The following TRPC4 variants were observed in gnomAD, a reference collection of about 807,000 sequenced individuals.
TRPC4 encodes the protein short transient receptor potential channel 4.
A neutral mutation model predicts 99.4 loss-of-function variants in TRPC4; 49 were observed. The ratio of observed to expected loss-of-function variants is 0.49; its 90% CI spans 0.39 to 0.63. The LOEUF is 0.63. TRPC4 is among the 20% of genes least tolerant of loss of function. The probability of loss-of-function intolerance (pLI) is 0.00; values close to 1 mark genes in which losing one functional copy is unlikely to be tolerated. For synonymous variants in TRPC4, 454 were observed against 425.9 expected (o/e 1.07, Z -0.81); for missense variants, 898 against 1,152.9 (o/e 0.78, Z 3.20).
chr13:37,692,122 C>T lies in TRPC4; in HGVS notation c.1111G>A (p.Ala371Thr). Residue 371 changes from alanine (A) to threonine (T), a missense_variant, in exon 4 of 11, where the codon GCC becomes ACC. Transcript: ENST00000379705. Reference protein sequence around the residue: ...KPFIKFICHTASYLTFLFLLL... With the variant: ...KPFIKFICHTTSYLTFLFLLL... Reference sequence around the variant, plus strand: ...AGGAACAAAAAAGTCAAATAGGAGGCTGTGTGGCAGATAAACTTGATAAAT... The same window carrying T: ...AGGAACAAAAAAGTCAAATAGGAGGTTGTGTGGCAGATAAACTTGATAAAT... 1 of 1,614,140 alleles carries T rather than the reference C, an allele frequency of 6.2e-7. No individual in the cohort carries two copies. The highest frequency in any genetic ancestry group is 8.5e-7 in the Non-Finnish European group (1 of 1,180,026).
At chr13:37,812,197 C>CAAAAAAAAAAAAAAAAA (rs1156963631) in intron 1 of TRPC4, among the ~76,000 whole-genome samples, 28 of 111,228 alleles carry the variant, frequency 2.5e-4, no homozygotes, top group East Asian at 1.1e-3. Flanking sequence ...AAAAAAAAAC[C>CAAAAAAAAAAAAAAAAA]AGGAGATCTA....
At chr13:37,865,838 A>G (rs1959708041) in intron 1 of TRPC4, among the ~76,000 whole-genome samples, 1 of 151,714 alleles carries the variant, frequency 6.6e-6, no homozygotes, top group Non-Finnish European at 1.5e-5. Context: ...ATTTTCATAA[A>G]TTTCATCTTT....
At chr13:37,864,127 T>C (rs556482848) in intron 1 of TRPC4, among the ~76,000 whole-genome samples, 1 of 151,750 alleles carries the variant, frequency 6.6e-6, no homozygotes, top group African/African-American at 2.4e-5. Context: ...CAATGGAACA[T>C]CATGTATTGT....
intron 2 of TRPC4, among the ~76,000 whole-genome samples, chr13:37,782,522 G>C (rs1216356691): frequency 1.3e-5 from 2 of 151,966 alleles, no homozygotes; most frequent in Non-Finnish European, 2.9e-5. Context: ...AGCTGCAGAA[G>C]CCCAGAACAG....
chr13:37,696,111 C>A (rs764194351), intron 3 of TRPC4, among the ~76,000 whole-genome samples: 11 of 152,178 alleles, frequency 7.2e-5, no homozygotes, highest in South Asian at 6.2e-4. Flanking sequence ...GTAAGAGGCA[C>A]ATCTCACATG....
Position 37,660,391 on chromosome 13 carries a change from T to G in TRPC4, c.1688+3025A>C, listed in dbSNP as rs563897645. Among the ~76,000 whole-genome samples the G allele has an allele frequency of 1.3e-5, 2 of 152,252 alleles. 1 individual carries two copies. Among genetic ancestry groups the G allele is most frequent in the South Asian group, 4.2e-4 (2 of 4,818 alleles). On this transcript the variant is annotated intron_variant, in intron 6 of 10. Transcript: ENST00000379705. Reference sequence around the variant, plus strand: ...ATAAGAAGGCTCCAGGTGATAATTTTTAGAGCAGTTTTAGTGGAATGATGG... The same window carrying G: ...ATAAGAAGGCTCCAGGTGATAATTTGTAGAGCAGTTTTAGTGGAATGATGG...
At chr13:37,786,768 T>C (rs1393485101) in intron 1 of TRPC4, among the ~76,000 whole-genome samples, 1 of 152,082 alleles carries the variant, frequency 6.6e-6, no homozygotes, top group Admixed American at 6.6e-5. Context: ...CAATGTCTCC[T>C]GTATAACACC....
At chr13:37,735,442 A>G (rs1281228523) in intron 3 of TRPC4, among the ~76,000 whole-genome samples, 1 of 152,200 alleles carries the variant, frequency 6.6e-6, no homozygotes, top group Non-Finnish European at 1.5e-5. Context: ...ATGACAGAGA[A>G]AATATCAGTC....
intron 2 of TRPC4, among the ~76,000 whole-genome samples, chr13:37,754,554 AAACT>A (rs1185433693): frequency 3.3e-5 from 5 of 152,134 alleles, no homozygotes; most frequent in African/African-American, 1.2e-4. Flanking sequence ...TACTCCAAAC[AAACT>A]ACTTTTTAAA....
At chr13:37,839,014 T>C (rs764322909) in intron 1 of TRPC4, among the ~76,000 whole-genome samples, 12 of 152,216 alleles carry the variant, frequency 7.9e-5, no homozygotes, top group Non-Finnish European at 1.6e-4. Flanking sequence ...CATGCTCTTA[T>C]ATATATCTTA....
At chr13:37,793,629 G>C (rs1161309700) in intron 1 of TRPC4, among the ~76,000 whole-genome samples, 1 of 152,018 alleles carries the variant, frequency 6.6e-6, no homozygotes, top group Non-Finnish European at 1.5e-5. Flanking sequence ...GAAAATGTTT[G>C]ACAAAGCATT....
chr13:37,649,743 AAAAAAAAAAAAAAAAAAC>A (rs1175874761), intron 8 of TRPC4, among the ~76,000 whole-genome samples: 1 of 145,162 alleles, frequency 6.9e-6, no homozygotes, highest in Non-Finnish European at 1.5e-5. Context: ...AAAAAAAAAA[AAAAAAAAAAAAAAAAAAC>A]AACAACAAAG....
At chr13:37,740,712 T>A (rs1955559833) in intron 3 of TRPC4, among the ~76,000 whole-genome samples, 1 of 152,194 alleles carries the variant, frequency 6.6e-6, no homozygotes, top group East Asian at 1.9e-4. Context: ...TGCTTCCATA[T>A]CAAGGGGTTT....
intron 4 of TRPC4, among the ~76,000 whole-genome samples, chr13:37,687,594 T>A (rs539434317): frequency 6.6e-6 from 1 of 152,344 alleles, no homozygotes; most frequent in South Asian, 2.1e-4. Context: ...ATTACACATA[T>A]AACATGCTCT....
At chr13:37,717,643 CA>C (rs1210787617) in intron 3 of TRPC4, among the ~76,000 whole-genome samples, 1 of 151,962 alleles carries the variant, frequency 6.6e-6, no homozygotes, top group African/African-American at 2.4e-5. Flanking sequence ...GGTGTAAATG[CA>C]GAAAGAAGAG....
Position 37,782,969 on chromosome 13 carries a change from C to A in TRPC4, c.365G>T (p.Ser122Ile). The A allele has an allele frequency of 6.8e-7, 1 of 1,462,058 alleles. No homozygotes were observed. The highest frequency in any genetic ancestry group is 9.1e-7 in the Non-Finnish European group (1 of 1,098,606). 90.6% of individuals were successfully genotyped at this position (1,462,058 alleles called of 1,614,324 possible). The change falls in exon 2 of 11, where the codon AGT (serine) becomes ATT (isoleucine). Residue 122 changes from serine (S) to isoleucine (I), a missense_variant. By Grantham distance (142) the Ser-to-Ile change is moderately radical. Coordinates refer to ENST00000379705, the MANE Select transcript of TRPC4 (RefSeq NM_016179.4). ...TTTTGCAGGTACCTGTTTTTCTCCA[C>A]TAGGTTTTTTGTGGTTCAATAACAG... ...VELLLNHKKP[S>I]GEKQVPPILL... is the part of the protein sequence containing the mutation.
At chr13:37,729,097 C>T (rs536537282) in intron 3 of TRPC4, among the ~76,000 whole-genome samples, 359 of 152,064 alleles carry the variant, frequency 2.4e-3, no homozygotes, top group Non-Finnish European at 3.8e-3. Flanking sequence ...ATAAACTTCA[C>T]GATATTGGAC....
intron 3 of TRPC4, among the ~76,000 whole-genome samples, chr13:37,728,574 GA>G (rs1455272613): frequency 6.6e-6 from 1 of 152,004 alleles, no homozygotes; most frequent in Non-Finnish European, 1.5e-5. Flanking sequence ...TCATGGATTG[GA>G]AGACTTAATA....
intron 3 of TRPC4, among the ~76,000 whole-genome samples, chr13:37,729,246 A>G (rs1454460302): frequency 6.6e-6 from 1 of 152,086 alleles, no homozygotes; most frequent in East Asian, 1.9e-4. Context: ...ATCATTGCTC[A>G]TGAGGGAAAT....
Sources: allele counts gnomAD v4.1 joint callset (sites outside exome capture counted in the v4.1 genomes callset), GRCh38; gene constraint gnomAD v4.1.1; transcripts MANE v1.5; gene names NCBI Gene and HGNC (gene_info 2026-07-23, HGNC 2026-07-21).